The following COL25A1 variants were observed in gnomAD, a reference collection of about 807,000 sequenced individuals.
The protein encoded by COL25A1 is collagen type XXV alpha 1 chain, also known as collagen alpha-1(XXV) chain.
In COL25A1, 103 loss-of-function variants were observed where a neutral mutation model predicts 128.4. The observed-to-expected ratio is 0.80, with a 90% CI of 0.68 to 0.94. The LOEUF (loss-of-function observed/expected upper bound fraction) is 0.94, where lower values mean the gene tolerates loss of function less well. Among genes scored for constraint, COL25A1 ranks in the 40% least tolerant of loss-of-function variants. The pLI is 0.00. For missense variants in COL25A1, 745 were observed against 840.0 expected (o/e 0.89, Z 1.40); for synonymous variants, 279 against 277.2 (o/e 1.01, Z -0.06).
chr4:108,965,437 G>A (rs541429122), intron 8 of COL25A1, among the ~76,000 whole-genome samples: 58 of 152,310 alleles, frequency 3.8e-4, no homozygotes, highest in Non-Finnish European at 6.6e-4. Flanking sequence ...ATAACTTCAT[G>A]ACGTTTCTTC....
At chr4:108,968,802 G>A (rs1045527723) in intron 8 of COL25A1, among the ~76,000 whole-genome samples, 5 of 152,000 alleles carry the variant, frequency 3.3e-5, no homozygotes, top group Non-Finnish European at 7.4e-5. Flanking sequence ...TCAAGATCAC[G>A]AATTCAACAT....
chr4:109,246,713 T>C (rs1780290934), intron 3 of COL25A1, among the ~76,000 whole-genome samples: 1 of 152,184 alleles, frequency 6.6e-6, no homozygotes, highest in African/African-American at 2.4e-5. Context: ...TTCTATTCTC[T>C]TTTTCTTACC....
chr4:109,028,379 G>A (rs1758518793), intron 5 of COL25A1, among the ~76,000 whole-genome samples: 1 of 152,092 alleles, frequency 6.6e-6, no homozygotes, highest in African/African-American at 2.4e-5. Context: ...AGTGTGCTGG[G>A]ATTACAAGCA....
intron 23 of COL25A1, among the ~76,000 whole-genome samples, chr4:108,860,499 C>A (rs995222979): frequency 2.0e-5 from 3 of 152,070 alleles, no homozygotes; most frequent in Non-Finnish European, 4.4e-5. Context: ...CAATAGAATA[C>A]ATGTATATTT....
intron 35 of COL25A1, 104 bp downstream of exon 35, chr4:108,824,070 G>A (rs751934513): frequency 6.2e-7 from 1 of 1,613,388 alleles, no homozygotes; most frequent in East Asian, 2.2e-5. Flanking sequence ...TTGGAGCACA[G>A]GATGGAGAAA....
At chr4:108,990,276 C>CA (rs1754100479) in intron 6 of COL25A1, among the ~76,000 whole-genome samples, 1 of 81,436 alleles carries the variant, frequency 1.2e-5, no homozygotes, top group Non-Finnish European at 2.4e-5. Flanking sequence ...ATATATATCT[C>CA]AAAAGAATCG....
chr4:109,133,872 G>A (rs567092529), intron 3 of COL25A1, among the ~76,000 whole-genome samples: 2 of 152,210 alleles, frequency 1.3e-5, no homozygotes, highest in South Asian at 4.1e-4. Flanking sequence ...CAGTCTATTA[G>A]GAGAGATAGA....
Position 108,950,098 on chromosome 4 carries a change from A to G in COL25A1, c.493-8661T>C, listed in dbSNP as rs1223389258. On this transcript the variant is annotated intron_variant, in intron 8 of 37. Coordinates refer to ENST00000399132, the MANE Select transcript of COL25A1 (RefSeq NM_198721.4). ...CGCTCTTTTCCTCTTGTATTTTTTC[A>G]TTTCCTCCCCACTCCTGCATCAAGC... Among the ~76,000 whole-genome samples, 4 of 151,772 alleles carry G rather than the reference A, an allele frequency of 2.6e-5. No individual in the cohort carries two copies. In the East Asian group the frequency reaches 7.7e-4, roughly 29 times the overall value.
intron 3 of COL25A1, among the ~76,000 whole-genome samples, chr4:109,090,086 G>A (rs1764764239): frequency 6.6e-6 from 1 of 152,010 alleles, no homozygotes; most frequent in Admixed American, 6.6e-5. Flanking sequence ...CATGTAAAAT[G>A]TAATAGAAAT....
At chr4:108,867,020 G>A (rs985492508) in intron 20 of COL25A1, among the ~76,000 whole-genome samples, 7 of 152,150 alleles carry the variant, frequency 4.6e-5, no homozygotes, top group African/African-American at 1.4e-4. Context: ...TGTTATATGA[G>A]TACCTGGTCT....
chr4:109,148,240 C>G (rs946204700), intron 3 of COL25A1, among the ~76,000 whole-genome samples: 3 of 152,132 alleles, frequency 2.0e-5, no homozygotes, highest in Non-Finnish European at 4.4e-5. Context: ...GTGACTAACT[C>G]TTAAACACTT....
At chr4:108,949,375 T>C (rs1749134053) in intron 8 of COL25A1, among the ~76,000 whole-genome samples, 1 of 152,148 alleles carries the variant, frequency 6.6e-6, no homozygotes, top group Admixed American at 6.5e-5. Flanking sequence ...AAATATTAAC[T>C]CTTTTAATCC....
chr4:109,065,775 T>TCCTA (rs1762401556), intron 3 of COL25A1, among the ~76,000 whole-genome samples: 2 of 152,126 alleles, frequency 1.3e-5, no homozygotes, highest in Admixed American at 1.3e-4. Flanking sequence ...TGGTCATTAG[T>TCCTA]CCTAGATTTT....
intron 5 of COL25A1, among the ~76,000 whole-genome samples, chr4:109,047,098 C>T (rs751169498): frequency 2.0e-5 from 3 of 152,166 alleles, no homozygotes; most frequent in Non-Finnish European, 4.4e-5. Context: ...GCAGGCAAAA[C>T]TCCAACAGAC....
intron 24 of COL25A1, among the ~76,000 whole-genome samples, chr4:108,854,348 A>G (rs1018908948): frequency 6.6e-6 from 1 of 152,200 alleles, no homozygotes; most frequent in Admixed American, 6.5e-5. Context: ...CAGTGGCAAC[A>G]AGAGCCAAAA....
At chr4:108,969,927 A>G (rs1751737965) in intron 8 of COL25A1, among the ~76,000 whole-genome samples, 1 of 150,314 alleles carries the variant, frequency 6.7e-6, no homozygotes, top group South Asian at 2.1e-4. Flanking sequence ...TTTGAGCCCA[A>G]GTCTCACTCT....
chr4:108,871,689 G>A (rs761816019), intron 19 of COL25A1, among the ~76,000 whole-genome samples: 4 of 152,094 alleles, frequency 2.6e-5, no homozygotes, highest in Non-Finnish European at 4.4e-5. Context: ...AGTATCTACC[G>A]TATCTATACA....
chr4:109,198,255 AAG>A (rs1776279397), intron 3 of COL25A1, among the ~76,000 whole-genome samples: 2 of 150,708 alleles, frequency 1.3e-5, no homozygotes, highest in Admixed American at 1.3e-4. Context: ...CTGAACAGTA[AAG>A]TCACCTTATT....
chr4:108,990,268 A>C (rs1310591209), intron 6 of COL25A1, among the ~76,000 whole-genome samples: 2 of 131,000 alleles, frequency 1.5e-5, no homozygotes, highest in South Asian at 2.5e-4. Context: ...ATATATATAT[A>C]TATATCTCAA....
Sources: allele counts gnomAD v4.1 joint callset (sites outside exome capture counted in the v4.1 genomes callset), GRCh38; gene constraint gnomAD v4.1.1; transcripts MANE v1.5; gene names NCBI Gene and HGNC (gene_info 2026-07-23, HGNC 2026-07-21).